Variants in CCDC171 observed in about 807,000 individuals in gnomAD.
CCDC171 encodes the protein coiled-coil domain containing 171.
CCDC171 carries 177 observed loss-of-function variants against 168.2 expected under a neutral mutation model. The observed-to-expected ratio is 1.05, with a 90% CI of 0.93 to 1.19. CCDC171 has a LOEUF of 1.19. Ranked by LOEUF, CCDC171 falls within the 50% of genes most tolerant of loss-of-function variation. The pLI, the probability that CCDC171 is intolerant of heterozygous loss-of-function variation, is 0.00. For synonymous variants in CCDC171, 687 were observed against 540.8 expected (o/e 1.27, Z -3.75); for missense variants, 1,991 against 1,539.0 (o/e 1.29, Z -4.91).
At chr9:16,031,702 A>G (rs1173335680) in intron 6 of CCDC171, among the ~76,000 whole-genome samples, 1 of 152,180 alleles carries the variant, frequency 6.6e-6, no homozygotes, top group Non-Finnish European at 1.5e-5. Flanking sequence ...CAAGAGGTAC[A>G]CTGAATCATA....
chr9:15,902,423 ATTT>A (rs1247832626), intron 24 of CCDC171, among the ~76,000 whole-genome samples: 1 of 152,168 alleles, frequency 6.6e-6, no homozygotes, highest in Non-Finnish European at 1.5e-5. Context: ...GAAGTTGGAA[ATTT>A]TCTAGGCAAA....
At chr9:15,978,809 C>A (rs1401333833), downstream of CCDC171, among the ~76,000 whole-genome samples, 1 of 152,124 alleles carries the variant, frequency 6.6e-6, no homozygotes, top group Non-Finnish European at 1.5e-5. Flanking sequence ...ACATATTTCA[C>A]AAAGATGAAC....
chr9:15,650,905 ATTG>A lies in CCDC171; in HGVS notation c.823-6216_823-6214del, dbSNP rs531866869. Among the ~76,000 whole-genome samples the A allele has an allele frequency of 1.2e-4, 19 of 152,140 alleles. No homozygotes were observed. The East Asian group carries it at 3.1e-3, about 25-fold the overall frequency. ...CCAGCTATTTTAAAATATACAATAC[ATTG>A]TTGTTAACTGTAGTCACCCTACTCT... is the stretch of plus-strand genomic sequence containing the variant. On this transcript the variant is annotated intron_variant, in intron 7 of 25. Transcript: ENST00000380701.
At chr9:16,012,268 T>C (rs1442273712) in intron 3 of CCDC171, among the ~76,000 whole-genome samples, 1 of 152,192 alleles carries the variant, frequency 6.6e-6, no homozygotes, top group African/African-American at 2.4e-5. Context: ...CTGGAAGATA[T>C]TAGGATCTCC....
chr9:15,729,798 G>A lies in CCDC171; in HGVS notation c.2049G>A (p.Gln683=). 1 of 1,602,554 alleles carries A rather than the reference G, an allele frequency of 6.2e-7. No homozygotes were observed. The highest frequency in any genetic ancestry group is 8.5e-7 in the Non-Finnish European group (1 of 1,173,280). ...ELFLEVQKRA[Q]KFQEIAEKNM... ...TCCTGGAGGTGCAGAAGAGGGCACA[G>A]GTATGCTACCTTTACAAAGAGCTTT... Residue 683 remains glutamine, a splice_region_variant and synonymous_variant, in exon 16 of 26, where the codon CAG becomes CAA. Coordinates refer to ENST00000380701, the MANE Select transcript of CCDC171 (RefSeq NM_173550.4).
chr9:15,654,066 G>A (rs2047734799), intron 7 of CCDC171, among the ~76,000 whole-genome samples: 1 of 151,922 alleles, frequency 6.6e-6, no homozygotes, highest in South Asian at 2.1e-4. Flanking sequence ...ACCTTTCAGC[G>A]GAATGCCTGT....
intron 21 of CCDC171, among the ~76,000 whole-genome samples, chr9:15,834,456 A>C (rs1479074484): frequency 6.6e-6 from 1 of 152,230 alleles, no homozygotes; most frequent in Non-Finnish European, 1.5e-5. Context: ...TTGGAAGTTT[A>C]GTAATATTGC....
chr9:15,974,353 T>TAGAGG (rs1270725474), downstream of CCDC171, among the ~76,000 whole-genome samples: 1 of 152,174 alleles, frequency 6.6e-6, no homozygotes, highest in Admixed American at 6.6e-5. Context: ...AATTGCTGCA[T>TAGAGG]ATTTGAGATC....
At chr9:15,840,576 T>G (rs752890871) in intron 21 of CCDC171, among the ~76,000 whole-genome samples, 6 of 152,162 alleles carry the variant, frequency 3.9e-5, no homozygotes, top group Non-Finnish European at 7.4e-5. Context: ...TCATGATGGT[T>G]GTCATCTGCA....
chr9:16,095,560 C>T, the CCDC171 span, among the ~76,000 whole-genome samples: 1 of 151,984 alleles, frequency 6.6e-6, no homozygotes, highest in South Asian at 2.1e-4. Context: ...CTCTCTCGCG[C>T]ACACACATAC....
chr9:16,006,077 G>C (rs145236763), intron 3 of CCDC171, among the ~76,000 whole-genome samples: 1 of 151,818 alleles, frequency 6.6e-6, no homozygotes, highest in African/African-American at 2.4e-5. Flanking sequence ...GACCAGGCTG[G>C]TCTCGAACTC....
At chr9:16,056,801 T>G (rs1160116614) in intron 1 of CCDC171, among the ~76,000 whole-genome samples, 1 of 152,206 alleles carries the variant, frequency 6.6e-6, no homozygotes, top group Non-Finnish European at 1.5e-5. Context: ...ACAGTGAAGT[T>G]TTAAAGTATA....
rs568678010 is a variant in CCDC171 at position 15,630,928 on chromosome 9, A to G, written c.822+7515A>G. Among the ~76,000 whole-genome samples, 1,001 of 152,352 alleles carry G rather than the reference A, an allele frequency of 6.6e-3. 11 individuals carry two copies. Among genetic ancestry groups the G allele is most frequent in the African/African-American group, 0.023 (937 of 41,578 alleles). On this transcript the variant is annotated intron_variant, in intron 7 of 25. Transcript: ENST00000380701. The stretch of plus-strand genomic sequence containing the variant: ...ACCTGCTCCTGAATGACTGCTGGGT[A>G]CATAACGAAATGAAGACAGAAATAA...
At position 15,589,303 on chromosome 9, in the gene CCDC171, C is replaced by A. The variant is rs569543540; in HGVS notation, c.353-2063C>A. ...ACTTAACTCCCTTAAGCCCAGACAT[C>A]TCTTGGGATTGACTCCCAGTAATTG... On this transcript the variant is annotated intron_variant, in intron 4 of 25. Transcript: ENST00000380701. Among the ~76,000 whole-genome samples, 35 of 152,308 alleles carry A rather than the reference C, an allele frequency of 2.3e-4. No homozygotes were observed. The South Asian group carries it at 7.1e-3, about 31-fold the overall frequency.
rs2059442102 is a variant in CCDC171, at chr9:15,813,535, T to C, written c.3267+28841T>C. On this transcript the variant is annotated intron_variant, in intron 21 of 25. Transcript: ENST00000380701. ...CAACCAACAGTTTTGGTTGCTTTTTTCCTCCCCAGAAGTAATTAATATTAC... is the reference window on the plus strand; with the variant it reads ...CAACCAACAGTTTTGGTTGCTTTTTCCCTCCCCAGAAGTAATTAATATTAC... 2.0e-5 allele frequency among the ~76,000 whole-genome samples: 3 copies of C among 152,166 alleles called. No homozygotes were observed. The South Asian group carries it at 6.2e-4, about 32-fold the overall frequency.
chr9:15,906,495 A>G (rs1000921580), intron 24 of CCDC171, among the ~76,000 whole-genome samples: 14 of 152,226 alleles, frequency 9.2e-5, no homozygotes, highest in Non-Finnish European at 1.9e-4. Flanking sequence ...AAAACTCTCA[A>G]TAAGTTAGGT....
chr9:15,694,486 G>A (rs1410224024), intron 10 of CCDC171, among the ~76,000 whole-genome samples: 1 of 152,124 alleles, frequency 6.6e-6, no homozygotes, highest in Non-Finnish European at 1.5e-5. Context: ...CTGCCAAAAA[G>A]AAGCAAGCAA....
intron 24 of CCDC171, chr9:15,888,107 A>G (rs925027799): frequency 6.6e-6 from 1 of 152,234 alleles, no homozygotes; most frequent in African/African-American, 2.4e-5. Flanking sequence ...ACTTACCTCT[A>G]TGGAGATATT....
the CCDC171 span, among the ~76,000 whole-genome samples, chr9:16,086,637 A>G: frequency 2.6e-5 from 4 of 151,692 alleles, no homozygotes; most frequent in African/African-American, 4.8e-5. Flanking sequence ...CAGTCTGTCT[A>G]TTTTGTTAAT....
Sources: allele counts gnomAD v4.1 joint callset (sites outside exome capture counted in the v4.1 genomes callset), GRCh38; gene constraint gnomAD v4.1.1; transcripts MANE v1.5; gene names NCBI Gene and HGNC (gene_info 2026-07-23, HGNC 2026-07-21).